GAP43: variants seen among roughly 807,000 people sequenced by gnomAD.
The protein encoded by GAP43 is neuromodulin.
Under a neutral mutation model 18.6 loss-of-function variants are expected in GAP43, and 6 were observed. The observed-to-expected ratio is 0.32, with a 90% CI of 0.18 to 0.64. The LOEUF (loss-of-function observed/expected upper bound fraction) is 0.64. Ranked by LOEUF, GAP43 falls within the 30% of genes least tolerant of loss-of-function variation. GAP43 has a pLI of 0.78. For missense variants in GAP43, 292 were observed against 295.5 expected (o/e 0.99, Z 0.09); for synonymous variants, 115 against 111.4 (o/e 1.03, Z -0.20).
At chr3:115,635,479 G>A (rs965914733) in intron 1 of GAP43, among the ~76,000 whole-genome samples, 8 of 152,062 alleles carry the variant, frequency 5.3e-5, no homozygotes, top group East Asian at 1.9e-4. Flanking sequence ...AGTGAAACCA[G>A]TATGGAGGAG....
At chr3:115,626,220 G>A (rs937640223) in intron 1 of GAP43, among the ~76,000 whole-genome samples, 2 of 152,204 alleles carry the variant, frequency 1.3e-5, no homozygotes, top group South Asian at 2.1e-4. Flanking sequence ...ATTCATCATC[G>A]TAGTACTTAA....
At chr3:115,676,876 T>C (rs1301004302) in intron 2 of GAP43, among the ~76,000 whole-genome samples, 1 of 152,204 alleles carries the variant, frequency 6.6e-6, no homozygotes, top group African/African-American at 2.4e-5. Flanking sequence ...ATTACCTTAA[T>C]TGGATTGATA....
chr3:115,669,526 CT>C (rs887148186), intron 1 of GAP43, among the ~76,000 whole-genome samples: 18 of 152,160 alleles, frequency 1.2e-4, no homozygotes, highest in African/African-American at 4.3e-4. Flanking sequence ...CAAAGGCTGA[CT>C]TTTTTTCTGT....
chr3:115,701,671 T>A lies in GAP43; in HGVS notation c.629-19123T>A, dbSNP rs183756392. ...GATTTCCCCAAATGTCCATGGTTGA[T>A]TTACATTGGACTTTTTTAGTTGCTG... is the stretch of plus-strand genomic sequence containing the variant. On this transcript the variant is annotated intron_variant, in intron 2 of 2. Coordinates refer to ENST00000305124, the MANE Select transcript of GAP43 (RefSeq NM_002045.4). Among the ~76,000 whole-genome samples the A allele has an allele frequency of 1.4e-4, 22 of 152,178 alleles. No homozygotes were observed. The East Asian group carries it at 3.3e-3, about 23-fold the overall frequency.
intron 2 of GAP43, among the ~76,000 whole-genome samples, chr3:115,703,644 G>A (rs1229317619): frequency 6.6e-6 from 1 of 152,028 alleles, no homozygotes; most frequent in African/African-American, 2.4e-5. Flanking sequence ...TAAATAGGAG[G>A]CAGTTTTAGA....
At chr3:115,668,409 A>T (rs377528031) in intron 1 of GAP43, among the ~76,000 whole-genome samples, 1 of 152,118 alleles carries the variant, frequency 6.6e-6, no homozygotes, top group South Asian at 2.1e-4. Context: ...GCAATCTCCC[A>T]TGAATATTTT....
At chr3:115,688,936 C>T (rs1458928240) in intron 2 of GAP43, among the ~76,000 whole-genome samples, 2 of 152,230 alleles carry the variant, frequency 1.3e-5, no homozygotes, top group Non-Finnish European at 2.9e-5. Context: ...TATGATCTCA[C>T]GTCTTAGCTT....
At chr3:115,659,047 G>C (rs745486370) in intron 1 of GAP43, 4 of 152,244 alleles carry the variant, frequency 2.6e-5, no homozygotes, top group Admixed American at 6.5e-5. Context: ...CTTTTTCCTT[G>C]CTTGGAGGCG....
At chr3:115,690,386 A>G (rs1162057273) in intron 2 of GAP43, among the ~76,000 whole-genome samples, 3 of 152,150 alleles carry the variant, frequency 2.0e-5, no homozygotes, top group South Asian at 2.1e-4. Flanking sequence ...CTATTTCCAT[A>G]AGAAGTTTCA....
intron 2 of GAP43, among the ~76,000 whole-genome samples, chr3:115,697,555 C>A (rs1576998020): frequency 6.6e-6 from 1 of 152,196 alleles, no homozygotes; most frequent in Admixed American, 6.5e-5. Flanking sequence ...GTTTTAGCCT[C>A]ACTGCTTCAC....
intron 2 of GAP43, among the ~76,000 whole-genome samples, chr3:115,705,548 A>C (rs901529429): frequency 2.0e-5 from 3 of 152,348 alleles, no homozygotes. Context: ...GAATTACTAC[A>C]GTAACACTTT....
chr3:115,715,347 C>A (rs1022867162), intron 2 of GAP43, among the ~76,000 whole-genome samples: 1 of 152,144 alleles, frequency 6.6e-6, no homozygotes, highest in East Asian at 1.9e-4. Flanking sequence ...GGATTTCAGC[C>A]GTCACACTAG....
chr3:115,699,861 G>T (rs867639693), intron 2 of GAP43, among the ~76,000 whole-genome samples: 2 of 152,308 alleles, frequency 1.3e-5, no homozygotes, highest in South Asian at 4.1e-4. Context: ...AGCTTGAGCT[G>T]ATGGCACTGG....
At chr3:115,693,148 A>T (rs972730807) in intron 2 of GAP43, among the ~76,000 whole-genome samples, 3 of 152,176 alleles carry the variant, frequency 2.0e-5, no homozygotes, top group African/African-American at 7.2e-5. Flanking sequence ...TCTTTTCAAC[A>T]TAGAGATGGA....
intron 1 of GAP43, among the ~76,000 whole-genome samples, chr3:115,639,193 G>A (rs1357367479): frequency 6.6e-6 from 1 of 152,140 alleles, no homozygotes; most frequent in Non-Finnish European, 1.5e-5. Context: ...TAATTGGGCA[G>A]CTAATAGATA....
rs182079488 is a variant in GAP43 at position 115,720,708 on chromosome 3, A to G, written c.629-86A>G. 4 of 759,616 alleles carry G rather than the reference A, an allele frequency of 5.3e-6. No individual in the cohort carries two copies. The South Asian group carries it at 6.9e-5, about 13-fold the overall frequency. The allele number at this position is 759,616 out of a possible 1,614,324, so 47.1% of individuals were successfully genotyped here. The stretch of plus-strand genomic sequence containing the variant: ...TCTTATGAAATGACATAAAAAGAAG[A>G]AATGCATTGCACTGTTGTATGAGCA... On this transcript the variant is annotated intron_variant, in intron 2 of 2. Transcript: ENST00000305124.
intron 1 of GAP43, among the ~76,000 whole-genome samples, chr3:115,643,393 C>A (rs1390543719): frequency 2.6e-5 from 4 of 152,024 alleles, no homozygotes; most frequent in African/African-American, 9.7e-5. Context: ...GTTTCTCTAG[C>A]CTTGCCATTA....
chr3:115,659,634 G>A (rs573628299), intron 1 of GAP43, among the ~76,000 whole-genome samples: 4 of 152,208 alleles, frequency 2.6e-5, no homozygotes, highest in African/African-American at 7.2e-5. Context: ...GAGAGAAAAG[G>A]GAAGAGGGGC....
At chr3:115,634,835 A>T (rs1431299170) in intron 1 of GAP43, among the ~76,000 whole-genome samples, 1 of 152,120 alleles carries the variant, frequency 6.6e-6, no homozygotes, top group Admixed American at 6.6e-5. Flanking sequence ...ACTTGCAGTT[A>T]GATTTATTTG....
Sources: allele counts gnomAD v4.1 joint callset (sites outside exome capture counted in the v4.1 genomes callset), GRCh38; gene constraint gnomAD v4.1.1; transcripts MANE v1.5; gene names NCBI Gene and HGNC (gene_info 2026-07-23, HGNC 2026-07-21).